Variants in FAM219A observed in about 807,000 individuals in gnomAD.
The protein encoded by FAM219A is family with sequence similarity 219 member A.
Under a neutral mutation model 23.4 loss-of-function variants are expected in FAM219A, and 7 were observed. The observed-to-expected ratio is 0.30, with a 90% CI of 0.17 to 0.56. FAM219A has a LOEUF of 0.56. FAM219A is among the 20% of genes least tolerant of loss of function. The pLI is 0.92. For missense variants in FAM219A, 166 were observed against 246.9 expected (o/e 0.67, Z 2.20); for synonymous variants, 93 against 99.0 (o/e 0.94, Z 0.36).
chr9:34,429,372 A>C (rs1265009773), intron 1 of FAM219A, among the ~76,000 whole-genome samples: 1 of 152,146 alleles, frequency 6.6e-6, no homozygotes, highest in Middle Eastern at 3.2e-3. Context: ...CAGGGTCCTG[A>C]GTGTTTTCAT....
At chr9:34,418,812 G>A (rs928950500) in intron 1 of FAM219A, among the ~76,000 whole-genome samples, 5 of 152,198 alleles carry the variant, frequency 3.3e-5, no homozygotes, top group African/African-American at 1.2e-4. Flanking sequence ...GCTCATGCCT[G>A]TAATCCCAGC....
chr9:34,405,639 G>A (rs186479596), intron 2 of FAM219A, among the ~76,000 whole-genome samples: 26 of 152,276 alleles, frequency 1.7e-4, no homozygotes, highest in East Asian at 3.9e-4. Context: ...TACCTGGAAC[G>A]TTCTTGGCTT....
intron 1 of FAM219A, among the ~76,000 whole-genome samples, chr9:34,452,652 A>C (rs1027862198): frequency 5.9e-5 from 9 of 152,144 alleles, no homozygotes; most frequent in Admixed American, 5.9e-4. Context: ...CCACTAACCT[A>C]AACTCAGATT....
intron 1 of FAM219A, among the ~76,000 whole-genome samples, chr9:34,455,005 C>T (rs72735226): frequency 0.05 from 7,558 of 152,208 alleles, 271 homozygotes; most frequent in Non-Finnish European, 0.065. Context: ...GAGTCAGCCC[C>T]TACTCTGCCC....
At chr9:34,406,951 C>G (rs529338015) in intron 1 of FAM219A, among the ~76,000 whole-genome samples, 1 of 152,014 alleles carries the variant, frequency 6.6e-6, no homozygotes, top group Non-Finnish European at 1.5e-5. Context: ...TACAGGTACA[C>G]GCCACCAGGC....
At chr9:34,452,805 G>A (rs1588078313) in intron 1 of FAM219A, among the ~76,000 whole-genome samples, 1 of 152,080 alleles carries the variant, frequency 6.6e-6, no homozygotes, top group East Asian at 1.9e-4. Context: ...AGTTCCTAGG[G>A]CCTCTATGAA....
At position 34,398,275 on chromosome 9, in the gene FAM219A, A is replaced by T. The variant is rs1588023765; in HGVS notation, c.*2689T>A. The T allele has an allele frequency of 4.5e-6, 7 of 1,550,632 alleles. No individual in the cohort carries two copies. Among genetic ancestry groups the T allele is most frequent in the East Asian group, 2.4e-5 (1 of 40,930 alleles). ...ATACTGCAATGAAAATGTTAAAAAA[A>T]ATATTATACACGGCTCATGTCTTCC... On this transcript the variant is annotated 3_prime_UTR_variant, in exon 6 of 6. Coordinates refer to ENST00000651358, the MANE Select transcript of FAM219A (RefSeq NM_001184940.2).
chr9:34,427,134 T>C (rs1489353731), intron 1 of FAM219A, among the ~76,000 whole-genome samples: 3 of 152,162 alleles, frequency 2.0e-5, no homozygotes, highest in Non-Finnish European at 4.4e-5. Flanking sequence ...CCCTTCTGGT[T>C]AAATTTTACT....
intron 1 of FAM219A, among the ~76,000 whole-genome samples, chr9:34,442,065 T>C (rs778608973): frequency 2.6e-5 from 4 of 152,196 alleles, no homozygotes; most frequent in Non-Finnish European, 5.9e-5. Flanking sequence ...AAAAATAGGA[T>C]AAACATATGT....
Position 34,398,612 on chromosome 9 carries a change from A to G in FAM219A, c.*2352T>C, listed in dbSNP as rs1292828961. The G allele has an allele frequency of 9.2e-6, 5 of 542,810 alleles. No homozygotes were observed. In the Admixed American group the frequency reaches 1.5e-4, roughly 17 times the overall value. The allele number at this position is 542,810 out of a possible 1,614,324, so 33.6% of individuals were successfully genotyped here. ...GGGGGGAGATTTTCCCTGGTGTCTC[A>G]GGGCCACAGAGATTGAACAATGGGC... On this transcript the variant is annotated 3_prime_UTR_variant, in exon 6 of 6. Coordinates refer to ENST00000651358, the MANE Select transcript of FAM219A (RefSeq NM_001184940.2).
intron 1 of FAM219A, among the ~76,000 whole-genome samples, chr9:34,420,965 G>C (rs1477762442): frequency 6.7e-6 from 1 of 149,978 alleles, no homozygotes; most frequent in Non-Finnish European, 1.5e-5. Context: ...GGGTGACAGA[G>C]TGAAACTCGT....
At position 34,401,031 on chromosome 9, in the gene FAM219A, G is replaced by T. The variant is rs969779459; in HGVS notation, c.491C>A (p.Pro164His). The change falls in exon 6 of 6, where the codon CCC becomes CAC. Residue 164 changes from proline (P) to histidine (H), a missense_variant. Physicochemically the swap from Pro to His is moderately conservative, Grantham distance 77 (BLOSUM62 -2). Around this residue, in one of 3 missense-constraint regions of FAM219A, gnomAD observed 72 missense variants for 131.0 expected, o/e 0.55. Coordinates refer to ENST00000651358, the MANE Select transcript of FAM219A (RefSeq NM_001184940.2). The stretch of plus-strand genomic sequence containing the variant: ...CATGCACGTGGGGTTCACGGACTTG[G>T]GGGGGATGAGGTCTAGGTCCTCGTC... ...PDDEDLDLIP[P>H]KSVNPTCMCC... 2 of 1,606,712 alleles carry T rather than the reference G, an allele frequency of 1.2e-6. No homozygotes were observed. The highest frequency in any genetic ancestry group is 1.7e-6 in the Non-Finnish European group (2 of 1,175,768).
Position 34,411,676 on chromosome 9 carries a change from C to CA in FAM219A, c.61-5713dup, listed in dbSNP as rs55988337. Among the ~76,000 whole-genome samples, 387 of 114,528 alleles carry CA rather than the reference C, an allele frequency of 3.4e-3. 1 individual carries two copies. Among genetic ancestry groups the CA allele is most frequent in the Non-Finnish European group, 4.5e-3 (246 of 54,396 alleles). 75.1% of individuals were successfully genotyped at this position (114,528 alleles called of 152,430 possible). ...TGGGCGACAGAGCGAGACTCCGTCT[C>CA]AAAAAAAAAAAAAAAAAGAAAGAAA... On this transcript the variant is annotated intron_variant, in intron 1 of 5. Transcript: ENST00000651358.
rs773902362 is a variant in FAM219A, at chr9:34,402,687, G to C, written c.263+18C>G. ...GTCCTGGCTGGCAGGGTCCAGGTGG[G>C]GTAGGGAGGGCCTCTACCTTGTTCG... On this transcript the variant is annotated intron_variant, in intron 3 of 5. Transcript: ENST00000651358. 5.0e-6 allele frequency: 8 copies of C among 1,613,214 alleles called. No individual in the cohort carries two copies. Among genetic ancestry groups the C allele is most frequent in the Non-Finnish European group, 6.8e-6 (8 of 1,179,334 alleles).
chr9:34,448,993 G>GAA (rs577911130), intron 1 of FAM219A, among the ~76,000 whole-genome samples: 1,175 of 110,042 alleles, frequency 0.011, 22 homozygotes, highest in African/African-American at 0.038. Flanking sequence ...AAAAACTATC[G>GAA]GAAAAAAAAA....
intron 1 of FAM219A, among the ~76,000 whole-genome samples, chr9:34,454,981 C>T (rs1226420025): frequency 1.3e-5 from 2 of 152,076 alleles, no homozygotes; most frequent in Non-Finnish European, 2.9e-5. Flanking sequence ...TGCCTGGCTC[C>T]CTTGAGGCTT....
intron 1 of FAM219A, among the ~76,000 whole-genome samples, chr9:34,433,259 T>C (rs72735217): frequency 0.05 from 7,574 of 152,318 alleles, 274 homozygotes; most frequent in Non-Finnish European, 0.065. Context: ...CACTTTCAGG[T>C]TGGCTCCTGT....
At chr9:34,422,304 C>A (rs1391942975) in intron 1 of FAM219A, among the ~76,000 whole-genome samples, 2 of 152,158 alleles carry the variant, frequency 1.3e-5, no homozygotes, top group African/African-American at 4.8e-5. Context: ...TCCCCAAAAC[C>A]AAGTAAGGCA....
At chr9:34,439,214 G>A (rs1823065755) in intron 1 of FAM219A, among the ~76,000 whole-genome samples, 1 of 152,218 alleles carries the variant, frequency 6.6e-6, no homozygotes, top group Non-Finnish European at 1.5e-5. Context: ...AGGGTCCGCG[G>A]CTTTATTCTT....
Sources: gnomAD v4.1 joint callset for allele counts (sites outside exome capture counted in the v4.1 genomes callset) on GRCh38, gnomAD v4.1.1 for gene constraint, gnomAD v4.1.1 regional missense constraint, MANE v1.5 for transcripts, NCBI Gene and HGNC (gene_info 2026-07-23, HGNC 2026-07-21) for gene names.